The following ENTREP2 variants were observed in gnomAD, a reference collection of about 807,000 sequenced individuals.
The protein encoded by ENTREP2 is protein ENTREP2.
At chr15:29,196,671 G>C in the ENTREP2 span, 7 of 1,305,624 alleles carry the variant, frequency 5.4e-6, no homozygotes, top group Non-Finnish European at 5.2e-6. Context: ...CAGTTCAAAG[G>C]AGCCTGTTTC....
chr15:29,326,231 A>G, the ENTREP2 span, among the ~76,000 whole-genome samples: 1 of 152,196 alleles, frequency 6.6e-6, no homozygotes, highest in African/African-American at 2.4e-5. Context: ...AGCTAGTGCA[A>G]TAAGACAAGA....
At chr15:29,653,319 CTT>C in the ENTREP2 span, among the ~76,000 whole-genome samples, 1 of 152,120 alleles carries the variant, frequency 6.6e-6, no homozygotes, top group Non-Finnish European at 1.5e-5. Flanking sequence ...CTTTTTTCTT[CTT>C]GTTTCTTGCT....
At chr15:29,629,377 T>A in the ENTREP2 span, among the ~76,000 whole-genome samples, 2 of 152,210 alleles carry the variant, frequency 1.3e-5, no homozygotes, top group Non-Finnish European at 1.5e-5. Flanking sequence ...TCTTGTTCCT[T>A]TGTGTACCTC....
At chr15:29,593,899 T>C in the ENTREP2 span, among the ~76,000 whole-genome samples, 1 of 152,188 alleles carries the variant, frequency 6.6e-6, no homozygotes, top group African/African-American at 2.4e-5. Context: ...CATAGAACTA[T>C]ATACACACAA....
At chr15:29,544,073 G>A in the ENTREP2 span, among the ~76,000 whole-genome samples, 1 of 151,292 alleles carries the variant, frequency 6.6e-6, no homozygotes, top group East Asian at 1.9e-4. Flanking sequence ...AAGTATTTTT[G>A]CTCTGAATAA....
At chr15:29,577,554 G>A in the ENTREP2 span, among the ~76,000 whole-genome samples, 3 of 152,008 alleles carry the variant, frequency 2.0e-5, no homozygotes, top group African/African-American at 7.3e-5. Context: ...GGGTTTTGCC[G>A]TGTTGCCCCA....
chr15:29,511,623 G>C, the ENTREP2 span, among the ~76,000 whole-genome samples: 1 of 151,634 alleles, frequency 6.6e-6, no homozygotes, highest in Non-Finnish European at 1.5e-5. Context: ...CACCACACCC[G>C]ACTGAGAGTG....
At chr15:29,619,394 A>AAAAT in the ENTREP2 span, among the ~76,000 whole-genome samples, 5 of 152,112 alleles carry the variant, frequency 3.3e-5, no homozygotes, top group Admixed American at 1.3e-4. Context: ...CTCCATCTCA[A>AAAAT]AAATAAATAA....
chr15:29,307,535 A>C, the ENTREP2 span, among the ~76,000 whole-genome samples: 1 of 152,354 alleles, frequency 6.6e-6, no homozygotes, highest in East Asian at 1.9e-4. Flanking sequence ...TTTAGAGAAA[A>C]AACTAACTTA....
the ENTREP2 span, among the ~76,000 whole-genome samples, chr15:29,318,861 T>C: frequency 2.6e-5 from 4 of 152,340 alleles, no homozygotes; most frequent in East Asian, 7.7e-4. Context: ...TGGCAAAGAT[T>C]AGGTAGAAAC....
At chr15:29,498,427 G>T in the ENTREP2 span, among the ~76,000 whole-genome samples, 4 of 152,098 alleles carry the variant, frequency 2.6e-5, no homozygotes, top group East Asian at 7.7e-4. Context: ...CCACATATTT[G>T]TAATTTTCCC....
At chr15:29,218,447 T>A in the ENTREP2 span, among the ~76,000 whole-genome samples, 1 of 152,092 alleles carries the variant, frequency 6.6e-6, no homozygotes, top group East Asian at 1.9e-4. Flanking sequence ...CCATTCTTCA[T>A]AGGATTAGAA....
the ENTREP2 span, among the ~76,000 whole-genome samples, chr15:29,182,415 C>T: frequency 0.011 from 1,629 of 152,148 alleles, 40 homozygotes; most frequent in African/African-American, 0.038. Flanking sequence ...ATGGCCACTG[C>T]GCCCGGCCAA....
chr15:29,388,915 G>A, the ENTREP2 span, among the ~76,000 whole-genome samples: 10 of 136,520 alleles, frequency 7.3e-5, no homozygotes, highest in African/African-American at 2.8e-4. Context: ...ATTGAACAAT[G>A]AGAACACTTG....
chr15:29,587,657 A>G, the ENTREP2 span, among the ~76,000 whole-genome samples: 2 of 151,978 alleles, frequency 1.3e-5, no homozygotes, highest in Non-Finnish European at 2.9e-5. Flanking sequence ...AGATGAGAGG[A>G]AGTGTCTTTT....
At chr15:29,444,232 AAGAAAGAAAG>A in the ENTREP2 span, among the ~76,000 whole-genome samples, 1 of 142,266 alleles carries the variant, frequency 7.0e-6, no homozygotes, top group African/African-American at 2.5e-5. Context: ...GAAAGAAAGA[AAGAAAGAAAG>A]AAAGAAAGAG....
chr15:29,436,462 T>C, the ENTREP2 span, among the ~76,000 whole-genome samples: 1 of 152,132 alleles, frequency 6.6e-6, no homozygotes, highest in Admixed American at 6.5e-5. Context: ...GAATCTAATA[T>C]ATAAAACAGA....
At chr15:29,446,076 G>A in the ENTREP2 span, among the ~76,000 whole-genome samples, 1 of 152,224 alleles carries the variant, frequency 6.6e-6, no homozygotes, top group Non-Finnish European at 1.5e-5. Context: ...AGAGGCCGAA[G>A]AGAGCTAGTT....
the ENTREP2 span, among the ~76,000 whole-genome samples, chr15:29,590,683 CAAAAAAAAA>C: frequency 1.3e-5 from 1 of 75,334 alleles, no homozygotes; most frequent in Admixed American, 1.9e-4. Context: ...GACTCCGTCT[CAAAAAAAAA>C]AAAAAAAAAA....
Sources: gnomAD v4.1 joint callset for allele counts (sites outside exome capture counted in the v4.1 genomes callset) on GRCh38, gnomAD v4.1.1 for gene constraint, MANE v1.5 for transcripts, NCBI Gene and HGNC (gene_info 2026-07-23, HGNC 2026-07-21) for gene names.